Variants in LRRC58 observed in about 807,000 individuals in gnomAD.
The protein encoded by LRRC58 is leucine-rich repeat-containing protein 58.
In LRRC58, 18 loss-of-function variants were observed where a neutral mutation model predicts 30.6. The observed-to-expected ratio is 0.59, with a 90% confidence interval of 0.41 to 0.87. LRRC58 has a LOEUF of 0.87. LRRC58 is among the 40% of genes least tolerant of loss of function. The pLI, the probability that LRRC58 is intolerant of heterozygous loss-of-function variation, is 0.00. For synonymous variants in LRRC58, 221 were observed against 206.0 expected (o/e 1.07, Z -0.62); for missense variants, 420 against 468.4 (o/e 0.90, Z 0.95).
intron 1 of LRRC58, among the ~76,000 whole-genome samples, chr3:120,347,376 A>ATTTTTTTTTTTTTTTTTT (rs1208688984): frequency 9.6e-4 from 49 of 50,984 alleles, no homozygotes; most frequent in Non-Finnish European, 1.4e-3. Flanking sequence ...CCAGGCCAAT[A>ATTTTTTTTTTTTTTTTTT]TTCTTTTTTT....
At chr3:120,348,597 G>A in intron 1 of LRRC58, 147 bp downstream of exon 1, 1 of 898,070 alleles carries the variant, frequency 1.1e-6, no homozygotes, top group South Asian at 2.1e-5. Context: ...AACTTGCTGA[G>A]ATGGTTGGGC....
intron 1 of LRRC58, among the ~76,000 whole-genome samples, chr3:120,348,270 T>C (rs1256955874): frequency 6.6e-6 from 1 of 152,182 alleles, no homozygotes; most frequent in African/African-American, 2.4e-5. Flanking sequence ...CATAGGTCAC[T>C]GAACTCCACA....
chr3:120,326,611 T>TTAA lies in LRRC58; in HGVS notation c.*4586_*4588dup, dbSNP rs994470249. ...ATCTATACAATAGCTTTTACTATTG[T>TTAA]TAAGTACCTGGCACAACTTAAAAGC... On this transcript the variant is annotated 3_prime_UTR_variant, in exon 4 of 4. Transcript: ENST00000295628. The TTAA allele has an allele frequency of 1.4e-4, 21 of 152,342 alleles. No individual in the cohort carries two copies. Among genetic ancestry groups the TTAA allele is most frequent in the African/African-American group, 4.8e-4 (20 of 41,582 alleles). The allele number at this position is 152,342 out of a possible 1,614,324, so 9.4% of individuals were successfully genotyped here.
intron 3 of LRRC58, among the ~76,000 whole-genome samples, chr3:120,331,634 G>A (rs1935759119): frequency 6.6e-6 from 1 of 152,140 alleles, no homozygotes; most frequent in African/African-American, 2.4e-5. Context: ...AAAGGGAGCA[G>A]GCACAGAAAG....
Position 120,348,820 on chromosome 3 carries a change from G to A in LRRC58, c.424C>T (p.Leu142=). ...FQEVPASLLE[L]RALQTLSLGG... ...AGGCTCAGGGTCTGCAGCGCGCGCA[G>A]CTCTAAGAGCGAGGCAGGCACCTCC... The change falls in exon 1 of 4, where the codon CTG becomes TTG. Residue 142 remains leucine (L), a synonymous_variant. Transcript: ENST00000295628. 1.9e-6 allele frequency: 3 copies of A among 1,607,378 alleles called. No homozygotes were observed. Among genetic ancestry groups the A allele is most frequent in the Non-Finnish European group, 2.5e-6 (3 of 1,177,594 alleles).
intron 1 of LRRC58, among the ~76,000 whole-genome samples, chr3:120,343,271 C>T (rs1935926472): frequency 6.6e-6 from 1 of 152,154 alleles, no homozygotes; most frequent in African/African-American, 2.4e-5. Flanking sequence ...CAAATAATTT[C>T]CAAATTTCTA....
chr3:120,325,618 T>C lies in LRRC58; in HGVS notation c.*5582A>G, dbSNP rs1559991169. The C allele has an allele frequency of 6.6e-6, 1 of 152,172 alleles. No homozygotes were observed. The highest frequency in any genetic ancestry group is 1.5e-5 in the Non-Finnish European group (1 of 68,024). 9.4% of individuals were successfully genotyped at this position (152,172 alleles called of 1,614,324 possible). A position where few individuals can be genotyped will look rare whatever the true frequency, so the allele number is the denominator to read the frequency against. ...TTTAAATATCAATTCTTAGTAAATATAGACCAAGAAGAGATAGAAAAAGAA... is the reference window on the plus strand; with the variant it reads ...TTTAAATATCAATTCTTAGTAAATACAGACCAAGAAGAGATAGAAAAAGAA... On this transcript the variant is annotated 3_prime_UTR_variant, in exon 4 of 4. Transcript: ENST00000295628.
At chr3:120,344,929 C>T (rs1250484086) in intron 1 of LRRC58, among the ~76,000 whole-genome samples, 2 of 152,030 alleles carry the variant, frequency 1.3e-5, no homozygotes, top group Non-Finnish European at 2.9e-5. Context: ...TATACTATAG[C>T]CAAACAATTA....
At chr3:120,348,307 A>G (rs1936000976) in intron 1 of LRRC58, among the ~76,000 whole-genome samples, 1 of 152,228 alleles carries the variant, frequency 6.6e-6, no homozygotes, top group African/African-American at 2.4e-5. Context: ...GCCACAGAGA[A>G]GAGGAAGCTG....
Position 120,349,016 on chromosome 3 carries a change from G to A in LRRC58, c.228C>T (p.Ser76=). The A allele has an allele frequency of 1.3e-6, 2 of 1,519,650 alleles. No individual in the cohort carries two copies. Among genetic ancestry groups the A allele is most frequent in the South Asian group, 1.2e-5 (1 of 81,632 alleles). The allele number at this position is 1,519,650 out of a possible 1,614,324, so 94.1% of individuals were successfully genotyped here. The change falls in exon 1 of 4, where the codon AGC becomes AGT. Residue 76 remains serine (S), a synonymous_variant. Coordinates refer to ENST00000295628, the MANE Select transcript of LRRC58 (RefSeq NM_001099678.2). ...GCCCGAGCGCGGTCAACGCGTTGCC[G>A]CTCACGTCCAGCAGCTGGAGGTGCG... is the stretch of plus-strand genomic sequence containing the variant. ...GFPHLQLLDV[S]GNALTALGPE... is the part of the protein sequence containing the mutation.
At chr3:120,348,594 T>A (rs1048852788) in intron 1 of LRRC58, 150 bp downstream of exon 1, 21 of 875,868 alleles carry the variant, frequency 2.4e-5, no homozygotes, top group Non-Finnish European at 3.3e-5. Context: ...AACAACTTGC[T>A]GAGATGGTTG....
At chr3:120,342,203 C>T (rs570927686) in intron 1 of LRRC58, among the ~76,000 whole-genome samples, 89 of 152,304 alleles carry the variant, frequency 5.8e-4, no homozygotes, top group Non-Finnish European at 6.0e-4. Context: ...TAAGGCCCCA[C>T]CTTTGGACCA....
At chr3:120,343,464 A>G (rs1478285711) in intron 1 of LRRC58, among the ~76,000 whole-genome samples, 1 of 152,212 alleles carries the variant, frequency 6.6e-6, no homozygotes, top group African/African-American at 2.4e-5. Context: ...GAACAATTCT[A>G]TTCTTTCAGT....
rs965570126 is a variant in LRRC58, at chr3:120,325,453, T to C, written c.*5747A>G. On this transcript the variant is annotated 3_prime_UTR_variant, in exon 4 of 4. Coordinates refer to ENST00000295628, the MANE Select transcript of LRRC58 (RefSeq NM_001099678.2). ...AATAACCTTCATTAAACTAATACAC[T>C]TTAATATTTACTGGATTGAATACTA... 3.9e-5 allele frequency: 6 copies of C among 152,194 alleles called. No homozygotes were observed. The highest frequency in any genetic ancestry group is 1.4e-4 in the African/African-American group (6 of 41,436). 9.4% of individuals were successfully genotyped at this position (152,194 alleles called of 1,614,324 possible).
intron 3 of LRRC58, 72 bp downstream of exon 3, chr3:120,334,790 G>T: frequency 7.5e-7 from 1 of 1,340,022 alleles, no homozygotes; most frequent in Non-Finnish European, 1.0e-6. Flanking sequence ...GACTGCTTTT[G>T]TCTGAAAGAA....
chr3:120,334,740 T>C (rs549436564), intron 3 of LRRC58, 122 bp downstream of exon 3: 1 of 932,458 alleles, frequency 1.1e-6, no homozygotes, highest in East Asian at 2.7e-5. Flanking sequence ...GAAATGTCTT[T>C]CTCATAAATG....
At chr3:120,344,721 C>T (rs1199942966) in intron 1 of LRRC58, among the ~76,000 whole-genome samples, 4 of 152,192 alleles carry the variant, frequency 2.6e-5, no homozygotes, top group South Asian at 4.1e-4. Flanking sequence ...ATCTAGCATA[C>T]TGGATTTGCC....
chr3:120,331,265 C>G lies in LRRC58; in HGVS notation c.1051G>C (p.Glu351Gln). The part of the protein sequence containing the change: ...SASHSSTSQS[E>Q]SDSEDEASVA... ...CTAGCTTCATCTTCTGAGTCAGATT[C>G]ACTCTGGGAAGTGGAGCTGTGAGAG... Residue 351 changes from glutamate to glutamine, a missense_variant, in exon 4 of 4, where the codon GAA becomes CAA. Physicochemically the swap from Glu to Gln is conservative, Grantham distance 29 (BLOSUM62 2). Transcript: ENST00000295628. The G allele has an allele frequency of 1.9e-6, 3 of 1,613,974 alleles. No individual in the cohort carries two copies. The highest frequency in any genetic ancestry group is 2.5e-6 in the Non-Finnish European group (3 of 1,179,868).
chr3:120,332,100 AG>A (rs891515796), intron 3 of LRRC58, among the ~76,000 whole-genome samples: 24 of 152,222 alleles, frequency 1.6e-4, no homozygotes, highest in Non-Finnish European at 1.0e-4. Flanking sequence ...CTGAGAGGAA[AG>A]CAGATGTTGC....
Sources: gnomAD v4.1 joint callset for allele counts (sites outside exome capture counted in the v4.1 genomes callset) on GRCh38, gnomAD v4.1.1 for gene constraint, MANE v1.5 for transcripts, NCBI Gene and HGNC (gene_info 2026-07-23, HGNC 2026-07-21) for gene names.